LRP1B: variants seen among roughly 807,000 people sequenced by gnomAD.
LRP1B encodes the protein LDL receptor related protein 1B, also known as low-density lipoprotein receptor-related protein 1B.
Under a neutral mutation model 556.6 loss-of-function variants are expected in LRP1B, and 217 were observed. The observed-to-expected ratio is 0.39, with a 90% CI of 0.35 to 0.44. The LOEUF is 0.44. LRP1B is among the 20% of genes least tolerant of loss of function. LRP1B has a pLI of 1.00. For missense variants in LRP1B, 5,053 were observed against 5,620.8 expected, an observed-to-expected ratio of 0.90 and a Z score of 3.23; for synonymous variants, 2,047 against 1,865.8, an observed-to-expected ratio of 1.10 and a Z score of -2.50.
intron 3 of LRP1B, among the ~76,000 whole-genome samples, chr2:141,293,497 T>C (rs888386861): frequency 1.3e-5 from 2 of 152,190 alleles, no homozygotes; most frequent in African/African-American, 4.8e-5. Context: ...AGCATAGCTG[T>C]TGTATAGCTC....
intron 2 of LRP1B, among the ~76,000 whole-genome samples, chr2:141,643,340 T>A (rs1689417395): frequency 6.6e-6 from 1 of 152,242 alleles, no homozygotes; most frequent in Non-Finnish European, 1.5e-5. Context: ...ATGGGTTGAT[T>A]CAGGAAAAGG....
In LRP1B at chr2:140,438,028, G is replaced by GT. The variant is rs201486953; in HGVS notation, c.10414+4475dup. Among the ~76,000 whole-genome samples the GT allele has an allele frequency of 5.9e-5, 9 of 152,082 alleles. No individual in the cohort carries two copies. In the South Asian group the frequency reaches 1.9e-3, roughly 32 times the overall value. ...GTGAAATATTTCTTTTTGATTGTTT[G>GT]TTTTTTCTGAGATAGGGTCTGTGTC... On this transcript the variant is annotated intron_variant, in intron 66 of 90. Transcript: ENST00000389484.
At chr2:141,691,460 C>G (rs928724621) in intron 2 of LRP1B, among the ~76,000 whole-genome samples, 2 of 56,782 alleles carry the variant, frequency 3.5e-5, no homozygotes, top group African/African-American at 1.8e-4. Flanking sequence ...GCCAGGTAAT[C>G]AGCCAACACA....
intron 3 of LRP1B, among the ~76,000 whole-genome samples, chr2:141,411,596 T>A (rs78081340): frequency 0.01 from 1,531 of 152,200 alleles, 29 homozygotes; most frequent in African/African-American, 0.03. Context: ...CTTTTAAACA[T>A]TTACAGATGT....
intron 3 of LRP1B, among the ~76,000 whole-genome samples, chr2:141,442,590 T>C (rs1681022511): frequency 6.6e-6 from 1 of 152,060 alleles, no homozygotes; most frequent in Non-Finnish European, 1.5e-5. Flanking sequence ...GCCCCCAACC[T>C]GCAAACATGC....
intron 82 of LRP1B, among the ~76,000 whole-genome samples, chr2:140,316,493 TG>T (rs1684524511): frequency 1.3e-5 from 2 of 152,228 alleles, no homozygotes; most frequent in East Asian, 1.9e-4. Flanking sequence ...TACATTGTCA[TG>T]TAGGCAGGAT....
At chr2:141,489,383 G>A (rs533747197) in intron 2 of LRP1B, among the ~76,000 whole-genome samples, 1 of 151,798 alleles carries the variant, frequency 6.6e-6, no homozygotes, top group South Asian at 2.1e-4. Flanking sequence ...AGGTGGAAAG[G>A]TAATTTTTAT....
intron 7 of LRP1B, among the ~76,000 whole-genome samples, chr2:141,084,774 T>C (rs553208815): frequency 1.4e-3 from 215 of 151,924 alleles, no homozygotes; most frequent in African/African-American, 5.0e-3. Context: ...CTCAGCCTCC[T>C]GAGTAGCTGG....
intron 16 of LRP1B, among the ~76,000 whole-genome samples, chr2:140,993,714 A>G (rs1697157344): frequency 6.6e-6 from 1 of 152,060 alleles, no homozygotes; most frequent in South Asian, 2.1e-4. Context: ...AACCTCTGAC[A>G]GTGGCATGGT....
chr2:140,413,781 C>T (rs1027800200), intron 66 of LRP1B, among the ~76,000 whole-genome samples: 2 of 152,140 alleles, frequency 1.3e-5, no homozygotes, highest in African/African-American at 4.8e-5. Context: ...TGGTCCTTTT[C>T]AGAAAGTTTG....
chr2:141,567,881 A>G (rs1464544666), intron 2 of LRP1B, among the ~76,000 whole-genome samples: 1 of 149,926 alleles, frequency 6.7e-6, no homozygotes, highest in Non-Finnish European at 1.5e-5. Flanking sequence ...AGAAGGCAGA[A>G]CTTTGCCTCT....
chr2:141,902,870 AAT>A (rs1699660014), intron 1 of LRP1B, among the ~76,000 whole-genome samples: 1 of 152,030 alleles, frequency 6.6e-6, no homozygotes, highest in Non-Finnish European at 1.5e-5. Context: ...AAAAGAAAAA[AAT>A]ATATTTTTAA....
intron 7 of LRP1B, among the ~76,000 whole-genome samples, chr2:141,064,904 A>T (rs1699436903): frequency 6.6e-6 from 1 of 151,890 alleles, no homozygotes; most frequent in Non-Finnish European, 1.5e-5. Flanking sequence ...TTTCTATAAC[A>T]TATTTTTCCA....
chr2:141,891,144 T>C (rs147917642), intron 1 of LRP1B, among the ~76,000 whole-genome samples: 10 of 152,286 alleles, frequency 6.6e-5, no homozygotes, highest in African/African-American at 2.4e-4. Context: ...TCTTTTCCTT[T>C]TTTTTAAACA....
At chr2:141,345,133 T>C (rs1322693429) in intron 3 of LRP1B, among the ~76,000 whole-genome samples, 1 of 149,962 alleles carries the variant, frequency 6.7e-6, no homozygotes, top group African/African-American at 2.5e-5. Flanking sequence ...GAAGAGGCCA[T>C]AGTTAAGGAT....
chr2:140,542,785 T>C (rs991195863), intron 43 of LRP1B, among the ~76,000 whole-genome samples: 1 of 152,076 alleles, frequency 6.6e-6, no homozygotes, highest in Non-Finnish European at 1.5e-5. Flanking sequence ...GGTCAAGAGT[T>C]GACAGTTCAG....
At chr2:140,754,228 C>A (rs1286784376) in intron 35 of LRP1B, among the ~76,000 whole-genome samples, 1 of 152,124 alleles carries the variant, frequency 6.6e-6, no homozygotes, top group Non-Finnish European at 1.5e-5. Context: ...TGCAGTTTTA[C>A]GAGTGCAGCA....
At chr2:140,733,470 CATCT>C (rs1236578319) in intron 35 of LRP1B, among the ~76,000 whole-genome samples, 42 of 152,224 alleles carry the variant, frequency 2.8e-4, no homozygotes, top group African/African-American at 9.9e-4. Context: ...CAAAAACAAA[CATCT>C]ATCATTGCAG....
chr2:141,582,412 T>G (rs1215344195), intron 2 of LRP1B, among the ~76,000 whole-genome samples: 2 of 152,228 alleles, frequency 1.3e-5, no homozygotes, highest in African/African-American at 4.8e-5. Flanking sequence ...GCAGTGTGTG[T>G]ATTACTGATA....
Sources: gnomAD v4.1 joint callset for allele counts (sites outside exome capture counted in the v4.1 genomes callset) on GRCh38, gnomAD v4.1.1 for gene constraint, MANE v1.5 for transcripts, NCBI Gene and HGNC (gene_info 2026-07-23, HGNC 2026-07-21) for gene names.